Variants in UXS1 observed in about 807,000 individuals in gnomAD.
The protein encoded by UXS1 is UDP-glucuronate decarboxylase 1.
UXS1 carries 33 observed loss-of-function variants against 62.6 expected under a neutral mutation model. The observed-to-expected ratio is 0.53, with a 90% CI of 0.40 to 0.70. The LOEUF is 0.70. Among genes scored for constraint, UXS1 ranks in the 30% least tolerant of loss-of-function variants. UXS1 has a pLI of 0.00. For synonymous variants in UXS1, 213 were observed against 206.8 expected (o/e 1.03, Z -0.26); for missense variants, 434 against 556.3 (o/e 0.78, Z 2.21).
At chr2:106,126,974 C>A (rs1369100701) in intron 7 of UXS1, among the ~76,000 whole-genome samples, 1 of 152,186 alleles carries the variant, frequency 6.6e-6, no homozygotes, top group Non-Finnish European at 1.5e-5. Context: ...TGTGTCATTT[C>A]AAGGATGATA....
At chr2:106,137,714 G>A (rs959655567) in intron 6 of UXS1, among the ~76,000 whole-genome samples, 15 of 152,170 alleles carry the variant, frequency 9.9e-5, no homozygotes, top group African/African-American at 3.6e-4. Flanking sequence ...AGAATCACTT[G>A]AACCTGGGAG....
chr2:106,156,994 A>C (rs1179668656), intron 5 of UXS1, among the ~76,000 whole-genome samples: 1 of 152,232 alleles, frequency 6.6e-6, no homozygotes, highest in Non-Finnish European at 1.5e-5. Flanking sequence ...CTAGTCACAA[A>C]AGGTCAAATG....
intron 10 of UXS1, among the ~76,000 whole-genome samples, chr2:106,108,310 G>A (rs1573414062): frequency 1.3e-5 from 2 of 152,222 alleles, no homozygotes; most frequent in East Asian, 1.9e-4. Flanking sequence ...GTGTGCAAGA[G>A]AGAAGATGCT....
intron 1 of UXS1, among the ~76,000 whole-genome samples, chr2:106,176,775 C>G (rs2105092954): frequency 6.6e-6 from 1 of 152,356 alleles, no homozygotes; most frequent in East Asian, 1.9e-4. Context: ...CCGGCATGCT[C>G]CAAGCCTAAA....
chr2:106,160,888 A>G (rs938624814), intron 4 of UXS1, among the ~76,000 whole-genome samples: 1 of 152,238 alleles, frequency 6.6e-6, no homozygotes, highest in African/African-American at 2.4e-5. Context: ...GCCAAGTTTT[A>G]GATTTCATAT....
intron 4 of UXS1, 131 bp downstream of exon 4, chr2:106,163,536 T>C: frequency 1.8e-6 from 1 of 547,482 alleles, no homozygotes; most frequent in Non-Finnish European, 3.2e-6. Flanking sequence ...GGTATTACAC[T>C]CAAAGTGGGG....
intron 11 of UXS1, among the ~76,000 whole-genome samples, chr2:106,103,220 C>T (rs1327186411): frequency 6.6e-6 from 1 of 152,224 alleles, no homozygotes; most frequent in Non-Finnish European, 1.5e-5. Context: ...AAAGAAAAGT[C>T]TCTGAGGCTA....
At chr2:106,179,030 T>C (rs716373) in intron 1 of UXS1, among the ~76,000 whole-genome samples, 143,654 of 152,220 alleles carry the variant, frequency 0.94, 68,029 homozygotes, top group East Asian at 0.99. Flanking sequence ...GGGCTTCATG[T>C]TACCTTTGCT....
chr2:106,146,521 G>A (rs1210456843), intron 5 of UXS1, among the ~76,000 whole-genome samples: 1 of 152,172 alleles, frequency 6.6e-6, no homozygotes, highest in African/African-American at 2.4e-5. Flanking sequence ...GCTCATGCCT[G>A]TAATCCCAGC....
chr2:106,173,654 A>G (rs1045268510), intron 1 of UXS1, among the ~76,000 whole-genome samples: 1 of 152,226 alleles, frequency 6.6e-6, no homozygotes, highest in Admixed American at 6.5e-5. Flanking sequence ...CAACTCTACC[A>G]CTGGAGAGTG....
intron 1 of UXS1, among the ~76,000 whole-genome samples, chr2:106,177,548 G>A (rs1683967565): frequency 1.3e-5 from 2 of 152,152 alleles, no homozygotes; most frequent in South Asian, 4.1e-4. Flanking sequence ...TTAGAAGTCT[G>A]GGGACACCAG....
intron 14 of UXS1, among the ~76,000 whole-genome samples, chr2:106,094,462 T>C (rs1191688825): frequency 6.6e-6 from 1 of 152,220 alleles, no homozygotes. Flanking sequence ...TGGTATAATG[T>C]CTACTCCAGT....
chr2:106,138,225 T>C, intron 6 of UXS1: 2 of 985,486 alleles, frequency 2.0e-6, no homozygotes, highest in Non-Finnish European at 2.4e-6. Flanking sequence ...TCTTCAAAGC[T>C]CAATCCAGAC....
intron 1 of UXS1, among the ~76,000 whole-genome samples, chr2:106,176,365 A>C (rs2105091879): frequency 6.6e-6 from 1 of 152,398 alleles, no homozygotes; most frequent in Admixed American, 6.5e-5. Context: ...AAGAATATGC[A>C]TCATTCTTCT....
intron 9 of UXS1, among the ~76,000 whole-genome samples, chr2:106,122,509 A>G (rs1345957828): frequency 1.3e-5 from 2 of 152,262 alleles, no homozygotes; most frequent in Non-Finnish European, 2.9e-5. Context: ...GTCACATAAA[A>G]TATCATCAGC....
intron 9 of UXS1, among the ~76,000 whole-genome samples, chr2:106,115,269 T>A (rs1442328087): frequency 2.6e-5 from 4 of 152,098 alleles, no homozygotes; most frequent in Admixed American, 2.0e-4. Flanking sequence ...ACCCAGGAAG[T>A]ACACACCAGG....
chr2:106,146,712 G>C (rs997051719), intron 5 of UXS1, among the ~76,000 whole-genome samples: 1 of 140,818 alleles, frequency 7.1e-6, no homozygotes, highest in Non-Finnish European at 1.5e-5. Flanking sequence ...CCCAGGAGGC[G>C]GAAGTTGCAG....
At chr2:106,164,600 A>G in intron 3 of UXS1, 136 bp downstream of exon 3, 1 of 611,684 alleles carries the variant, frequency 1.6e-6, no homozygotes, top group South Asian at 2.2e-5. Context: ...TAAATAAGGG[A>G]GTAATTTTTT....
intron 6 of UXS1, among the ~76,000 whole-genome samples, chr2:106,140,264 G>A (rs1680991782): frequency 6.6e-6 from 1 of 152,156 alleles, no homozygotes; most frequent in Non-Finnish European, 1.5e-5. Context: ...AGCCACCGCA[G>A]GGGAAAGAAT....
Sources: gnomAD v4.1 joint callset for allele counts (sites outside exome capture counted in the v4.1 genomes callset) on GRCh38, gnomAD v4.1.1 for gene constraint, MANE v1.5 for transcripts, NCBI Gene and HGNC (gene_info 2026-07-23, HGNC 2026-07-21) for gene names.